Variants in ANGPT2 observed in about 807,000 individuals in gnomAD.
The protein encoded by ANGPT2 is angiopoietin 2.
In ANGPT2, 28 loss-of-function variants were observed where a neutral mutation model predicts 62.9. The ratio of observed to expected loss-of-function variants is 0.44; its 90% CI spans 0.33 to 0.61. The LOEUF (loss-of-function observed/expected upper bound fraction) is 0.61, where lower values mean the gene tolerates loss of function less well. Among genes scored for constraint, ANGPT2 ranks in the 20% least tolerant of loss-of-function variants. The probability of loss-of-function intolerance (pLI) is 0.03; values close to 1 mark genes in which losing one functional copy is unlikely to be tolerated. For missense variants in ANGPT2, 727 were observed against 594.9 expected (o/e 1.22, Z -2.31); for synonymous variants, 284 against 207.8 (o/e 1.37, Z -3.15).
chr8:6,562,035 C>T lies in ANGPT2; in HGVS notation c.288+612G>A, dbSNP rs528745131. On this transcript the variant is annotated intron_variant, in intron 1 of 8. Coordinates refer to ENST00000629816, the MANE Select transcript of ANGPT2 (RefSeq NM_001118887.2). ...ACCTCTGGGACGCTTGGGAACTGTG[C>T]CCCTGTTTACAGACGGCAAGCCCTT... Among the ~76,000 whole-genome samples, 83 of 152,292 alleles carry T rather than the reference C, an allele frequency of 5.5e-4. 1 individual carries two copies. Among genetic ancestry groups the T allele is most frequent in the African/African-American group, 1.7e-3 (70 of 41,570 alleles).
intron 1 of ANGPT2, among the ~76,000 whole-genome samples, chr8:6,552,555 GA>G (rs1186006244): frequency 6.6e-6 from 1 of 152,184 alleles, no homozygotes; most frequent in East Asian, 1.9e-4. Context: ...ACTAATGTGA[GA>G]TATAGTATAG....
chr8:6,513,569 G>T, intron 7 of ANGPT2, 109 bp downstream of exon 7: 3 of 741,454 alleles, frequency 4.0e-6, no homozygotes, highest in African/African-American at 1.8e-5. Flanking sequence ...TCCTGACCTC[G>T]TGATCTGCCC....
chr8:6,562,874 T>C lies in ANGPT2; in HGVS notation c.61A>G (p.Asn21Asp), dbSNP rs746640861. ...ATGCTGTCCATGCTCTTCCGAAAGT[T>C]GTTATAGGCTGCGGCCAAGACAAGA... Reference protein sequence around the residue: ...CDLVLAAAYNNFRKSMDSIGK... With the variant: ...CDLVLAAAYNDFRKSMDSIGK... Residue 21 changes from asparagine to aspartate, a missense_variant, in exon 1 of 9, where the codon AAC (asparagine) becomes GAC (aspartate). Coordinates refer to ENST00000629816, the MANE Select transcript of ANGPT2 (RefSeq NM_001118887.2). 1 of 1,611,178 alleles carries C rather than the reference T, an allele frequency of 6.2e-7. No homozygotes were observed. Among genetic ancestry groups the C allele is most frequent in the East Asian group, 2.2e-5 (1 of 44,726 alleles).
intron 5 of ANGPT2, among the ~76,000 whole-genome samples, chr8:6,516,757 C>T (rs1175071545): frequency 6.6e-6 from 1 of 152,174 alleles, no homozygotes; most frequent in African/African-American, 2.4e-5. Flanking sequence ...TGAGCCTATC[C>T]TTGTTCCAAG....
intron 1 of ANGPT2, among the ~76,000 whole-genome samples, chr8:6,534,705 T>G (rs1000888737): frequency 1.3e-5 from 2 of 152,220 alleles, no homozygotes; most frequent in Non-Finnish European, 2.9e-5. Context: ...CCATCTCTAT[T>G]ATAGGCTTCA....
intron 1 of ANGPT2, among the ~76,000 whole-genome samples, chr8:6,552,356 G>A (rs1248861086): frequency 3.3e-5 from 5 of 152,214 alleles, no homozygotes; most frequent in Non-Finnish European, 7.3e-5. Flanking sequence ...TACTGGAGCA[G>A]TTTCCACAGA....
Position 6,562,754 on chromosome 8 carries a change from C to T in ANGPT2, c.181G>A (p.Val61Met). 2 of 1,613,712 alleles carry T rather than the reference C, an allele frequency of 1.2e-6. No homozygotes were observed. Among genetic ancestry groups the T allele is most frequent in the Non-Finnish European group, 1.7e-6 (2 of 1,179,968 alleles). The change falls in exon 1 of 9, where the codon GTG becomes ATG. Residue 61 changes from valine (V) to methionine (M), a missense_variant. Physicochemically the swap from Val to Met is conservative, Grantham distance 21 (BLOSUM62 1). Transcript: ENST00000629816. The stretch of plus-strand genomic sequence containing the variant: ...GCGTCCCTCTGCACAGCATTGGACA[C>T]GTAGGGGCTGGAGGAAGAGCGGCAG... ...DNCRSSSSPY[V>M]SNAVQRDAPL...
intron 1 of ANGPT2, among the ~76,000 whole-genome samples, chr8:6,561,725 A>G (rs1251037507): frequency 2.0e-5 from 3 of 152,248 alleles, no homozygotes; most frequent in Non-Finnish European, 4.4e-5. Context: ...AGTCCATATA[A>G]AGAAAATTCC....
intron 3 of ANGPT2, among the ~76,000 whole-genome samples, chr8:6,522,472 TGAAACTTAGG>T (rs1477388945): frequency 6.6e-6 from 1 of 151,834 alleles, no homozygotes; most frequent in Non-Finnish European, 1.5e-5. Context: ...ATGAGGAAAT[TGAAACTTAGG>T]GACATTGAGG....
intron 2 of ANGPT2, among the ~76,000 whole-genome samples, chr8:6,529,186 C>T (rs1377342900): frequency 1.3e-5 from 2 of 152,192 alleles, no homozygotes; most frequent in East Asian, 3.8e-4. Flanking sequence ...AGCCTGAAGG[C>T]GTCCATCTGC....
intron 5 of ANGPT2, among the ~76,000 whole-genome samples, chr8:6,515,572 C>T (rs1423524976): frequency 1.3e-5 from 2 of 152,224 alleles, no homozygotes. Context: ...TAAGCGCATG[C>T]ATGCTCAATT....
In ANGPT2 at chr8:6,544,752, A is replaced by G. The variant is rs1280011830; in HGVS notation, c.289-12265T>C. Among the ~76,000 whole-genome samples the G allele has an allele frequency of 2.6e-5, 4 of 152,348 alleles. No homozygotes were observed. The East Asian group carries it at 7.7e-4, about 29-fold the overall frequency. On this transcript the variant is annotated intron_variant, in intron 1 of 8. Transcript: ENST00000629816. Reference sequence around the variant, plus strand: ...AGATAAAGACACAGATACAGCATTTAGAGTTACACTTTGCCATAAAAGAGC... The same window carrying G: ...AGATAAAGACACAGATACAGCATTTGGAGTTACACTTTGCCATAAAAGAGC...
intron 1 of ANGPT2, among the ~76,000 whole-genome samples, chr8:6,553,402 C>A (rs1475804267): frequency 6.6e-6 from 1 of 152,212 alleles, no homozygotes; most frequent in Non-Finnish European, 1.5e-5. Flanking sequence ...CTGATGGTTA[C>A]ATAGTTAAAA....
chr8:6,549,889 GA>G (rs1330680813), intron 1 of ANGPT2, among the ~76,000 whole-genome samples: 1 of 152,192 alleles, frequency 6.6e-6, no homozygotes, highest in Non-Finnish European at 1.5e-5. Context: ...AAAAAGAAAA[GA>G]AAAGAAAAAG....
At chr8:6,557,868 C>A (rs1011459902) in intron 1 of ANGPT2, among the ~76,000 whole-genome samples, 1 of 152,130 alleles carries the variant, frequency 6.6e-6, no homozygotes, top group African/African-American at 2.4e-5. Flanking sequence ...CTCAGGAAAT[C>A]CACAAAGCTG....
chr8:6,513,621 C>T (rs923923895), intron 7 of ANGPT2, 57 bp downstream of exon 7: 1 of 1,517,614 alleles, frequency 6.6e-7, no homozygotes, highest in Non-Finnish European at 8.9e-7. Flanking sequence ...GCGTGAGCCA[C>T]CGTGCCCGGC....
chr8:6,508,476 A>T (rs1259000800), intron 8 of ANGPT2: 1 of 184,452 alleles, frequency 5.4e-6, no homozygotes, highest in Admixed American at 6.1e-5. Context: ...CTGTGTCTGT[A>T]AATAAATAAA....
intron 1 of ANGPT2, among the ~76,000 whole-genome samples, chr8:6,539,091 G>T (rs1193407390): frequency 6.6e-6 from 1 of 152,124 alleles, no homozygotes. Context: ...TGTGTACTCA[G>T]CAGTACTTCA....
At chr8:6,504,155 A>G (rs1164080040) in intron 8 of ANGPT2, among the ~76,000 whole-genome samples, 1 of 151,890 alleles carries the variant, frequency 6.6e-6, no homozygotes. Context: ...CGTCTCTACT[A>G]AAAATACAAA....
Sources: allele counts gnomAD v4.1 joint callset (sites outside exome capture counted in the v4.1 genomes callset), GRCh38; gene constraint gnomAD v4.1.1; transcripts MANE v1.5; gene names NCBI Gene and HGNC (gene_info 2026-07-23, HGNC 2026-07-21).